NRG1: variants seen among roughly 807,000 people sequenced by gnomAD.
NRG1 encodes the protein pro-neuregulin-1, membrane-bound isoform.
A neutral mutation model predicts 63.8 loss-of-function variants in NRG1; 18 were observed. The observed-to-expected ratio is 0.28, with a 90% CI of 0.19 to 0.42. The LOEUF (loss-of-function observed/expected upper bound fraction) is 0.42. Ranked by LOEUF, NRG1 falls within the 10% of genes least tolerant of loss-of-function variation. NRG1 has a pLI of 1.00. For missense variants in NRG1, 762 were observed against 814.7 expected, an observed-to-expected ratio of 0.94 and a Z score of 0.79; for synonymous variants, 302 against 301.3, an observed-to-expected ratio of 1.00 and a Z score of -0.02.
At chr8:32,215,432 G>A (rs944304752) in intron 1 of NRG1, among the ~76,000 whole-genome samples, 7 of 152,162 alleles carry the variant, frequency 4.6e-5, no homozygotes, top group African/African-American at 1.7e-4. Context: ...GGAGAGCCAC[G>A]TGCTATGGTT....
chr8:32,576,088 A>G (rs774798371), intron 1 of NRG1, among the ~76,000 whole-genome samples: 5 of 152,208 alleles, frequency 3.3e-5, no homozygotes, highest in Non-Finnish European at 5.9e-5. Context: ...AAAGCAAGCT[A>G]TTTAGCATAC....
exon 1 of NRG1, chr8:32,548,785 C>G (rs1181116588): frequency 6.3e-7 from 1 of 1,588,606 alleles, no homozygotes; most frequent in Non-Finnish European, 8.6e-7. Flanking sequence ...GAGCGAGGCT[C>G]CGGCAAGAAG....
At chr8:32,530,268 C>T (rs1213880454) in intron 1 of NRG1, among the ~76,000 whole-genome samples, 3 of 151,992 alleles carry the variant, frequency 2.0e-5, no homozygotes, top group South Asian at 2.1e-4. Context: ...CCACCACGCC[C>T]GGCTAATTTT....
At chr8:32,746,893 A>G (rs1268301816) in intron 7 of NRG1, among the ~76,000 whole-genome samples, 1 of 143,324 alleles carries the variant, frequency 7.0e-6, no homozygotes, top group Admixed American at 7.2e-5. Flanking sequence ...TTGACTTACA[A>G]TGAAAGAAAT....
intron 1 of NRG1, among the ~76,000 whole-genome samples, chr8:32,525,853 T>C (rs1783322586): frequency 6.6e-6 from 1 of 152,192 alleles, no homozygotes. Flanking sequence ...TTTCAGCATT[T>C]GTGACTTTGA....
chr8:31,645,968 T>A (rs988364896), intron 1 of NRG1, among the ~76,000 whole-genome samples: 1 of 152,136 alleles, frequency 6.6e-6, no homozygotes, highest in Non-Finnish European at 1.5e-5. Context: ...AGGAGTGGAT[T>A]GTAGTGTATG....
intron 1 of NRG1, among the ~76,000 whole-genome samples, chr8:31,918,100 G>T (rs984009128): frequency 2.0e-4 from 31 of 152,070 alleles, no homozygotes; most frequent in Non-Finnish European, 3.8e-4. Flanking sequence ...AGGAGATTTT[G>T]GGCTGAGACA....
intron 1 of NRG1, among the ~76,000 whole-genome samples, chr8:32,408,575 GA>G (rs1281114237): frequency 2.7e-5 from 4 of 148,246 alleles, no homozygotes; most frequent in Non-Finnish European, 6.0e-5. Flanking sequence ...TGCAGAGGGG[GA>G]AATCTCCAAA....
At chr8:32,773,120 T>C (rs1270499281) in intron 7 of NRG1, among the ~76,000 whole-genome samples, 1 of 152,192 alleles carries the variant, frequency 6.6e-6, no homozygotes, top group Non-Finnish European at 1.5e-5. Context: ...TCAGAAATTA[T>C]TGGAGTTAGA....
intron 1 of NRG1, among the ~76,000 whole-genome samples, chr8:32,335,421 C>T (rs1403298454): frequency 2.6e-5 from 4 of 152,184 alleles, no homozygotes; most frequent in Non-Finnish European, 5.9e-5. Context: ...CAGTGCTCCT[C>T]GAGCTTTGGG....
At chr8:32,728,325 A>T in intron 6 of NRG1, 2 of 983,238 alleles carry the variant, frequency 2.0e-6, no homozygotes, top group Non-Finnish European at 2.4e-6. Flanking sequence ...GTTTTTTGCC[A>T]TGTTATTTAT....
intron 5 of NRG1, among the ~76,000 whole-genome samples, chr8:32,636,459 G>A (rs1851357502): frequency 6.6e-6 from 1 of 152,130 alleles, no homozygotes; most frequent in African/African-American, 2.4e-5. Flanking sequence ...CCTTCACATT[G>A]GAGCCTCTGG....
At chr8:32,036,261 A>G (rs576475980) in intron 1 of NRG1, among the ~76,000 whole-genome samples, 4 of 152,116 alleles carry the variant, frequency 2.6e-5, no homozygotes, top group South Asian at 2.1e-4. Flanking sequence ...TATTGCCCCA[A>G]TCTCTTCTGG....
At chr8:32,660,525 C>T (rs564568843) in intron 5 of NRG1, among the ~76,000 whole-genome samples, 42 of 152,212 alleles carry the variant, frequency 2.8e-4, no homozygotes, top group African/African-American at 8.7e-4. Context: ...TTTGCAAAGT[C>T]GGACGTGATT....
intron 1 of NRG1, among the ~76,000 whole-genome samples, chr8:32,457,255 A>G (rs1485611430): frequency 1.3e-5 from 2 of 152,238 alleles, no homozygotes; most frequent in Non-Finnish European, 2.9e-5. Context: ...CTGGTGCCAC[A>G]TATAGAACAT....
At chr8:32,590,950 G>A (rs1457181306) in intron 1 of NRG1, among the ~76,000 whole-genome samples, 1 of 152,126 alleles carries the variant, frequency 6.6e-6, no homozygotes, top group African/African-American at 2.4e-5. Flanking sequence ...GACAAAAAAA[G>A]GTTTAAAATT....
intron 1 of NRG1, among the ~76,000 whole-genome samples, chr8:31,912,603 T>G (rs1833043170): frequency 1.4e-5 from 2 of 145,182 alleles, no homozygotes; most frequent in African/African-American, 2.6e-5. Context: ...TGGTGTAAGG[T>G]TAGAAGACTA....
chr8:32,708,586 G>A (rs1009360459), intron 5 of NRG1, among the ~76,000 whole-genome samples: 1 of 152,130 alleles, frequency 6.6e-6, no homozygotes, highest in African/African-American at 2.4e-5. Context: ...CACCTGTAGG[G>A]TCTTGGCAAA....
chr8:32,757,115 C>T (rs971597804), intron 9 of NRG1, among the ~76,000 whole-genome samples: 1 of 152,072 alleles, frequency 6.6e-6, no homozygotes, highest in African/African-American at 2.4e-5. Flanking sequence ...GATGTCAAGC[C>T]CTCCAGATGA....
Sources: gnomAD v4.1 joint callset for allele counts (sites outside exome capture counted in the v4.1 genomes callset) on GRCh38, gnomAD v4.1.1 for gene constraint, MANE v1.5 for transcripts, NCBI Gene and HGNC (gene_info 2026-07-23, HGNC 2026-07-21) for gene names.